Variants in TBC1D8B observed in about 807,000 individuals in gnomAD.
TBC1D8B encodes RP11-321G1.1.
A neutral mutation model predicts 82.9 loss-of-function variants in TBC1D8B; 75 were observed. That is an observed-to-expected ratio of 0.90 (90% CI 0.75 to 1.10). The LOEUF (loss-of-function observed/expected upper bound fraction) is 1.10, where lower values mean the gene tolerates loss of function less well. Ranked by LOEUF, TBC1D8B falls within the 50% of genes least tolerant of loss-of-function variation. The probability of loss-of-function intolerance (pLI) is 0.00; values close to 1 mark genes in which losing one functional copy is unlikely to be tolerated. For missense variants in TBC1D8B, 794 were observed against 796.9 expected, an observed-to-expected ratio of 1.00 and a Z score of 0.04; for synonymous variants, 276 against 276.8, an observed-to-expected ratio of 1.00 and a Z score of 0.03.
At chrX:106,853,400 C>A in intron 12 of TBC1D8B, 121 bp from the exon 13 acceptor site, 3 of 646,655 alleles carry the variant, frequency 4.6e-6, no homozygotes, top group South Asian at 3.3e-5. Context: ...CTTCATAAGA[C>A]CTTCCCTTGT....
intron 6 of TBC1D8B, among the ~76,000 whole-genome samples, 172 bp from the exon 7 acceptor site, chrX:106,826,998 G>T: frequency 9.0e-6 from 1 of 111,558 alleles, no homozygotes; most frequent in South Asian, 3.8e-4. Context: ...GAAATAACTT[G>T]CACTGAGGTT....
intron 10 of TBC1D8B, 82 bp downstream of exon 10, chrX:106,840,966 C>T (rs1162881387): frequency 2.6e-5 from 23 of 883,349 alleles, no homozygotes; most frequent in South Asian, 1.9e-4. Context: ...TTGGAAGTGG[C>T]GATTATAAGG....
At chrX:106,835,174 G>A (rs531899387) in intron 7 of TBC1D8B, among the ~76,000 whole-genome samples, 9 of 112,597 alleles carry the variant, frequency 8.0e-5, no homozygotes, top group African/African-American at 2.9e-4. Flanking sequence ...TGAAATCTAG[G>A]CAGAGGTTTC....
chrX:106,846,881 GAAATTA>G (rs1476283305), intron 10 of TBC1D8B, among the ~76,000 whole-genome samples: 2 of 112,024 alleles, frequency 1.8e-5, no homozygotes, highest in African/African-American at 3.2e-5. Flanking sequence ...CAACCTCAAA[GAAATTA>G]AAATTAAAAC....
intron 12 of TBC1D8B, among the ~76,000 whole-genome samples, chrX:106,851,684 G>A (rs755275282): frequency 1.6e-4 from 18 of 110,228 alleles, no homozygotes; most frequent in East Asian, 2.9e-4. Flanking sequence ...TTGTCCTTGC[G>A]ATATTTTGCT....
intron 3 of TBC1D8B, 54 bp downstream of exon 3, chrX:106,821,049 T>A: frequency 1.5e-6 from 1 of 674,891 alleles, no homozygotes; most frequent in Non-Finnish European, 2.2e-6. Flanking sequence ...TTGACTCTCA[T>A]GTATGAGGAT....
rs776055865 is a variant in TBC1D8B, at chrX:106,838,262, T to C, written c.1204-1046T>C. Among the ~76,000 whole-genome samples, 21 of 111,585 alleles carry C rather than the reference T, an allele frequency of 1.9e-4. No homozygotes were observed. In the South Asian group the frequency reaches 8.0e-3, roughly 43 times the overall value. The stretch of plus-strand genomic sequence containing the variant: ...GTGGGCCCCCTCAAGACACTTTCTA[T>C]TGGTTGCTTTTTTAAGTTCTTGTTT... On this transcript the variant is annotated intron_variant, in intron 7 of 20. Transcript: ENST00000357242.
intron 1 of TBC1D8B, among the ~76,000 whole-genome samples, chrX:106,807,895 A>C (rs1455696002): frequency 9.0e-6 from 1 of 110,945 alleles, no homozygotes; most frequent in African/African-American, 3.3e-5. Flanking sequence ...TCTACTAAAA[A>C]TACAAAAATT....
At chrX:106,849,638 A>G in intron 11 of TBC1D8B, 1 of 874,525 alleles carries the variant, frequency 1.1e-6, no homozygotes, top group Non-Finnish European at 1.4e-6. Flanking sequence ...TTGATAATCA[A>G]AATGAACTTA....
rs370947757 is a variant in TBC1D8B at position 106,826,215 on chromosome X, G to A, written c.1013G>A (p.Ser338Asn). ...GCTAGCCAAGATGGCAATCAGTGTA[G>A]TGTAATCATTCCACTACGAGAGGTA... ...CFASQDGNQCSVIIPLREVLA... is the reference protein window; with the variant it reads ...CFASQDGNQCNVIIPLREVLA... Residue 338 changes from serine to asparagine, a missense_variant, in exon 6 of 21, where the codon AGT becomes AAT. By Grantham distance (46) the Ser-to-Asn change is conservative. Transcript: ENST00000357242. 3.8e-5 allele frequency: 46 copies of A among 1,207,101 alleles called. No individual in the cohort carries two copies. Among genetic ancestry groups the A allele is most frequent in the Middle Eastern group, 2.3e-4 (1 of 4,348 alleles).
At chrX:106,864,083 G>C (rs1248919655) in intron 14 of TBC1D8B, among the ~76,000 whole-genome samples, 7 of 111,572 alleles carry the variant, frequency 6.3e-5, no homozygotes, top group African/African-American at 2.3e-4. Flanking sequence ...GCTGGTGTTG[G>C]TCTGTTCCAG....
At chrX:106,862,233 T>G (rs931663382) in intron 14 of TBC1D8B, among the ~76,000 whole-genome samples, 3 of 111,685 alleles carry the variant, frequency 2.7e-5, no homozygotes, top group Admixed American at 1.9e-4. Context: ...ATGGTAATCT[T>G]ATATAGTATC....
chrX:106,825,962 A>C lies in TBC1D8B; in HGVS notation c.828-68A>C, dbSNP rs372698380. ...TGTATGTAGATTAGTCAATATAGGC[A>C]TATGTATACCTTAGAATTCATTTCT... On this transcript the variant is annotated intron_variant, in intron 5 of 20. Transcript: ENST00000357242. 1.5e-5 allele frequency: 14 copies of C among 951,310 alleles called. No individual in the cohort carries two copies. In the East Asian group the frequency reaches 3.4e-4, roughly 23 times the overall value. The allele number at this position is 951,310 out of a possible 1,213,427, so 78.4% of individuals were successfully genotyped here.
chrX:106,845,178 T>C (rs905712434), intron 10 of TBC1D8B, among the ~76,000 whole-genome samples: 4 of 111,159 alleles, frequency 3.6e-5, no homozygotes, highest in African/African-American at 1.3e-4. Context: ...CTTGCTCTTT[T>C]TTTTTGGAAA....
At chrX:106,840,624 C>A in intron 9 of TBC1D8B, 46 bp from the exon 10 acceptor site, 3 of 1,083,104 alleles carry the variant, frequency 2.8e-6, no homozygotes, top group Non-Finnish European at 3.8e-6. Flanking sequence ...GAAATAGCTT[C>A]ATTATATCCA....
At chrX:106,828,614 C>G (rs1244889983) in intron 7 of TBC1D8B, 1 of 109,880 alleles carries the variant, frequency 9.1e-6, no homozygotes, top group Non-Finnish European at 1.9e-5. Flanking sequence ...GGCTTCATCC[C>G]TGGGATGCAA....
intron 1 of TBC1D8B, among the ~76,000 whole-genome samples, chrX:106,812,422 C>T (rs1432119726): frequency 9.0e-6 from 1 of 111,480 alleles, no homozygotes; most frequent in Non-Finnish European, 1.9e-5. Context: ...TAATCATTAC[C>T]GTGGAAAAAA....
In TBC1D8B at chrX:106,823,382, C is replaced by T. The variant is rs1227293338; in HGVS notation, c.743C>T (p.Ala248Val). 1 of 1,210,182 alleles carries T rather than the reference C, an allele frequency of 8.3e-7. No individual in the cohort carries two copies. Among genetic ancestry groups the T allele is most frequent in the South Asian group, 1.8e-5 (1 of 56,924 alleles). ...ACATACCTTCTTATGGAACAGCTGG[C>T]AAACTATGCCATTAGAAGACTTTTT... Reference protein sequence around the residue: ...NQTYLLMEQLANYAIRRLFDK... With the variant: ...NQTYLLMEQLVNYAIRRLFDK... The change falls in exon 5 of 21, where the codon GCA (alanine) becomes GTA (valine). Residue 248 changes from alanine to valine, a missense_variant. Transcript: ENST00000357242.
At chrX:106,827,421 AC>A in intron 7 of TBC1D8B, 84 bp downstream of exon 7, 8 of 1,045,171 alleles carry the variant, frequency 7.7e-6, no homozygotes, top group Non-Finnish European at 1.0e-5. Flanking sequence ...AATTCATAGT[AC>A]CTTTCCTATT....
Sources: gnomAD v4.1 joint callset for allele counts (sites outside exome capture counted in the v4.1 genomes callset) on GRCh38, gnomAD v4.1.1 for gene constraint, MANE v1.5 for transcripts, NCBI Gene and HGNC (gene_info 2026-07-23, HGNC 2026-07-21) for gene names.